The following RBM20 variants were observed in gnomAD, a reference collection of about 807,000 sequenced individuals.
RBM20 encodes the protein RNA-binding protein 20.
In RBM20, 51 loss-of-function variants were observed where a neutral mutation model predicts 110.1. That is an observed-to-expected ratio of 0.46 (90% CI 0.37 to 0.59). RBM20 has a LOEUF of 0.59. Ranked by LOEUF, RBM20 falls within the 20% of genes least tolerant of loss-of-function variation. The probability of loss-of-function intolerance (pLI) is 0.00; values close to 1 mark genes in which losing one functional copy is unlikely to be tolerated. For synonymous variants in RBM20, 589 were observed against 618.2 expected (o/e 0.95, Z 0.70); for missense variants, 1,512 against 1,574.9 (o/e 0.96, Z 0.68).
intron 1 of RBM20, among the ~76,000 whole-genome samples, chr10:110,672,578 C>G (rs545366710): frequency 6.6e-6 from 1 of 152,248 alleles, no homozygotes; most frequent in African/African-American, 2.4e-5. Context: ...GCTGCGCGCT[C>G]GCGCCCCCAC....
intron 1 of RBM20, among the ~76,000 whole-genome samples, chr10:110,771,043 G>A: frequency 6.6e-6 from 1 of 152,190 alleles, no homozygotes; most frequent in East Asian, 1.9e-4. Context: ...TCAAAGCATT[G>A]TAGCAATACA....
At chr10:110,802,857 AT>A (rs1163739112) in intron 7 of RBM20, among the ~76,000 whole-genome samples, 4 of 152,240 alleles carry the variant, frequency 2.6e-5, no homozygotes, top group Non-Finnish European at 4.4e-5. Context: ...AGATTGGAAG[AT>A]GGTGATGTCA....
intron 2 of RBM20, 49 bp downstream of exon 2, chr10:110,781,933 G>A: frequency 1.3e-6 from 2 of 1,550,750 alleles, no homozygotes. Flanking sequence ...GCCTGGGCAG[G>A]CCTTTCCCCA....
intron 1 of RBM20, among the ~76,000 whole-genome samples, chr10:110,661,616 A>G (rs66606674): frequency 0.41 from 62,017 of 151,972 alleles, 12,787 homozygotes; most frequent in Middle Eastern, 0.52. Context: ...TGTGGAAGGT[A>G]TATACAGTTG....
At chr10:110,779,574 T>G (rs1313686783) in intron 1 of RBM20, among the ~76,000 whole-genome samples, 1 of 152,180 alleles carries the variant, frequency 6.6e-6, no homozygotes, top group East Asian at 1.9e-4. Context: ...GAAGCATGAG[T>G]AAAACAACCT....
Position 110,781,455 on chromosome 10 carries a change from T to G in RBM20, c.846T>G (p.Phe282Leu). The G allele has an allele frequency of 6.4e-7, 1 of 1,551,578 alleles. No homozygotes were observed. The highest frequency in any genetic ancestry group is 8.7e-7 in the Non-Finnish European group (1 of 1,147,012). Residue 282 changes from phenylalanine (F) to leucine (L), a missense_variant, in exon 2 of 14, where the codon TTT becomes TTG. Transcript: ENST00000369519. Reference protein sequence around the residue: ...QDGQAAFSKDFYGPNSQGSHV... With the variant: ...QDGQAAFSKDLYGPNSQGSHV... ...GTCAAGCTGCCTTTTCCAAAGATTT[T>G]TACGGACCCAACTCCCAAGGTTCAC...
Position 110,812,685 on chromosome 10 carries a change from A to G in RBM20, c.2288A>G (p.Glu763Gly), listed in dbSNP as rs1339069600. The G allele has an allele frequency of 3.2e-6, 5 of 1,551,630 alleles. No homozygotes were observed. The Admixed American group carries it at 9.8e-5, about 30-fold the overall frequency. ...KSREDGYYRK[E>G]PKAKSDKYLK... The stretch of plus-strand genomic sequence containing the variant: ...CGTGAAGACGGCTACTACCGGAAAG[A>G]GCCCAAAGCCAAGTCGGACAAGTAT... The change falls in exon 9 of 14, where the codon GAG becomes GGG. Residue 763 changes from glutamate to glycine, a missense_variant. Physicochemically the swap from Glu to Gly is moderately conservative, Grantham distance 98. Transcript: ENST00000369519.
intron 13 of RBM20, among the ~76,000 whole-genome samples, chr10:110,833,785 C>G (rs1235758729): frequency 6.6e-6 from 1 of 152,202 alleles, no homozygotes; most frequent in Non-Finnish European, 1.5e-5. Context: ...TTAAGCCCCT[C>G]GTGCCAGCCA....
Position 110,839,035 on chromosome 10 carries a change from G to A in RBM20, c.*3057G>A, listed in dbSNP as rs1845171031. Reference sequence around the variant, plus strand: ...CATTTCAAAGTGTCTCCCAAAAAAGGATGCTGAAGAGCAATTGCTCCCTTA... The same window carrying A: ...CATTTCAAAGTGTCTCCCAAAAAAGAATGCTGAAGAGCAATTGCTCCCTTA... On this transcript the variant is annotated 3_prime_UTR_variant, in exon 14 of 14. Coordinates refer to ENST00000369519, the MANE Select transcript of RBM20 (RefSeq NM_001134363.3). 6.6e-6 allele frequency: 1 copy of A among 152,132 alleles called. No individual in the cohort carries two copies. The highest frequency in any genetic ancestry group is 2.1e-4 in the South Asian group (1 of 4,826). The allele number at this position is 152,132 out of a possible 1,614,324, so 9.4% of individuals were successfully genotyped here. A position where few individuals can be genotyped will look rare whatever the true frequency, so the allele number is the denominator to read the frequency against.
chr10:110,702,844 A>G (rs1364347605), intron 1 of RBM20, among the ~76,000 whole-genome samples: 1 of 152,198 alleles, frequency 6.6e-6, no homozygotes, highest in Non-Finnish European at 1.5e-5. Flanking sequence ...AATGGAAATT[A>G]TGGTACATAC....
intron 1 of RBM20, among the ~76,000 whole-genome samples, chr10:110,740,773 C>G (rs560607936): frequency 1.1e-4 from 17 of 152,238 alleles, no homozygotes; most frequent in African/African-American, 3.9e-4. Context: ...TGTGTGAAAA[C>G]ATACAAAGAC....
chr10:110,725,794 G>T (rs1843553806), intron 1 of RBM20, among the ~76,000 whole-genome samples: 1 of 152,228 alleles, frequency 6.6e-6, no homozygotes, highest in African/African-American at 2.4e-5. Context: ...CCAATTGTAT[G>T]GCATATAGCT....
chr10:110,834,494 AAG>A (rs1266046587), intron 13 of RBM20, among the ~76,000 whole-genome samples: 1 of 152,192 alleles, frequency 6.6e-6, no homozygotes, highest in African/African-American at 2.4e-5. Flanking sequence ...AGGCTGGGAG[AAG>A]AGGAGTGGCT....
chr10:110,646,024 A>C (rs1861862253), intron 1 of RBM20, among the ~76,000 whole-genome samples: 1 of 152,248 alleles, frequency 6.6e-6, no homozygotes, highest in African/African-American at 2.4e-5. Flanking sequence ...AGCAACAGAG[A>C]AAAACTATTT....
intron 1 of RBM20, among the ~76,000 whole-genome samples, chr10:110,749,247 G>A (rs1419733806): frequency 6.6e-6 from 1 of 152,192 alleles, no homozygotes; most frequent in Non-Finnish European, 1.5e-5. Context: ...TGATATGGTT[G>A]TGTACTTTCA....
At chr10:110,719,938 C>T (rs1054628806) in intron 1 of RBM20, among the ~76,000 whole-genome samples, 6 of 151,780 alleles carry the variant, frequency 4.0e-5, no homozygotes, top group African/African-American at 1.5e-4. Flanking sequence ...CTGGGGCATC[C>T]AAGATCAAGG....
intron 7 of RBM20, among the ~76,000 whole-genome samples, chr10:110,801,895 G>A (rs1844630814): frequency 6.6e-6 from 1 of 151,890 alleles, no homozygotes. Context: ...TGGAGATTGA[G>A]CACTTTTTCA....
chr10:110,684,996 T>C (rs768014112), intron 1 of RBM20, among the ~76,000 whole-genome samples: 3 of 152,206 alleles, frequency 2.0e-5, no homozygotes, highest in African/African-American at 4.8e-5. Context: ...TGAATCTGTT[T>C]GCAAAAGCTT....
rs551194134 is a variant in RBM20 at position 110,739,905 on chromosome 10, C to T, written c.192-40896C>T. ...GGAAGCCACTCCCAGCGGCCCTGCC[C>T]GTCTGGGTCCTCCTGCCCTCACTGG... On this transcript the variant is annotated intron_variant, in intron 1 of 13. Transcript: ENST00000369519. This position sits in a 1 kb window ranked among gnomAD's most constrained non-coding sequence, Gnocchi z 4.1. Among the ~76,000 whole-genome samples, 9 of 152,354 alleles carry T rather than the reference C, an allele frequency of 5.9e-5. No individual in the cohort carries two copies. In the South Asian group the frequency reaches 1.2e-3, roughly 21 times the overall value.
Sources: gnomAD v4.1 joint callset for allele counts (sites outside exome capture counted in the v4.1 genomes callset) on GRCh38, gnomAD v4.1.1 for gene constraint, Gnocchi (gnomAD v3.1) non-coding constraint, MANE v1.5 for transcripts, NCBI Gene and HGNC (gene_info 2026-07-23, HGNC 2026-07-21) for gene names.